HTR4: variants seen among roughly 807,000 people sequenced by gnomAD.
The protein encoded by HTR4 is 5-hydroxytryptamine (serotonin) receptor 4, G protein-coupled.
In HTR4, 16 loss-of-function variants were observed where a neutral mutation model predicts 36.8. The observed-to-expected ratio is 0.43, with a 90% CI of 0.29 to 0.66. HTR4 has a LOEUF of 0.66. HTR4 is among the 30% of genes least tolerant of loss of function. The pLI is 0.13. For synonymous variants in HTR4, 189 were observed against 185.1 expected (o/e 1.02, Z -0.17); for missense variants, 438 against 490.9 (o/e 0.89, Z 1.02).
intron 5 of HTR4, among the ~76,000 whole-genome samples, chr5:148,522,241 T>C (rs1758056797): frequency 2.6e-5 from 4 of 152,196 alleles, no homozygotes; most frequent in Non-Finnish European, 5.9e-5. Flanking sequence ...AATTACCCAA[T>C]CTGGGGTTTG....
chr5:148,575,032 T>C (rs1256742931), intron 2 of HTR4, among the ~76,000 whole-genome samples: 1 of 152,048 alleles, frequency 6.6e-6, no homozygotes, highest in Non-Finnish European at 1.5e-5. Flanking sequence ...AATGGCTGAA[T>C]GGCTGATTGA....
intron 5 of HTR4, among the ~76,000 whole-genome samples, chr5:148,451,450 C>A (rs548468722): frequency 4.6e-5 from 7 of 152,158 alleles, no homozygotes; most frequent in African/African-American, 1.7e-4. Flanking sequence ...GAACTGCACC[C>A]AGATTACTCA....
chr5:148,521,261 G>A (rs1042730884), intron 5 of HTR4, among the ~76,000 whole-genome samples: 3 of 152,168 alleles, frequency 2.0e-5, no homozygotes, highest in Admixed American at 1.3e-4. Context: ...AATTTTATGT[G>A]TTAACTTGAC....
downstream of HTR4, chr5:148,476,711 T>C (rs1158774550): frequency 1.9e-6 from 3 of 1,610,852 alleles, no homozygotes; most frequent in African/African-American, 1.3e-5. Flanking sequence ...AAATGAGCAA[T>C]AAGAATTGGC....
At chr5:148,648,870 C>T (rs959835278) in intron 1 of HTR4, among the ~76,000 whole-genome samples, 6 of 152,146 alleles carry the variant, frequency 3.9e-5, no homozygotes, top group Non-Finnish European at 7.4e-5. Context: ...ACTCCAGGAG[C>T]TGAGTTTTCT....
chr5:148,473,127 G>A (rs1271584457), downstream of HTR4, among the ~76,000 whole-genome samples: 3 of 151,914 alleles, frequency 2.0e-5, no homozygotes, highest in African/African-American at 2.4e-5. Flanking sequence ...GTGAAACCCC[G>A]TCTCTACTAA....
At chr5:148,538,313 A>G (rs1581443384) in intron 4 of HTR4, among the ~76,000 whole-genome samples, 1 of 152,206 alleles carries the variant, frequency 6.6e-6, no homozygotes, top group East Asian at 1.9e-4. Context: ...ATTCCCCTTT[A>G]CAAATGGCAC....
At chr5:148,646,829 C>T (rs1451706013) in intron 1 of HTR4, among the ~76,000 whole-genome samples, 2 of 152,144 alleles carry the variant, frequency 1.3e-5, no homozygotes. Context: ...GAAACTGAGG[C>T]ATAGGAAAGA....
At chr5:148,549,018 C>T in intron 3 of HTR4, 150 bp from the exon 4 acceptor site, 1 of 654,294 alleles carries the variant, frequency 1.5e-6, no homozygotes, top group Non-Finnish European at 2.7e-6. Flanking sequence ...AAGTCACATG[C>T]TTAGTGTATT....
At chr5:148,554,537 T>C (rs1759842686) in intron 2 of HTR4, among the ~76,000 whole-genome samples, 1 of 152,098 alleles carries the variant, frequency 6.6e-6, no homozygotes, top group Non-Finnish European at 1.5e-5. Flanking sequence ...AATAGAAAAG[T>C]AGTTATCAGG....
chr5:148,576,124 A>AAAAAAAAAAC (rs1561629230), intron 2 of HTR4, among the ~76,000 whole-genome samples: 12 of 147,414 alleles, frequency 8.1e-5, no homozygotes, highest in South Asian at 2.1e-4. Flanking sequence ...AAAAAAAAAA[A>AAAAAAAAAAC]AAAAAAAAAC....
chr5:148,619,839 G>T (rs1752848299), intron 2 of HTR4, among the ~76,000 whole-genome samples: 1 of 152,118 alleles, frequency 6.6e-6, no homozygotes, highest in African/African-American at 2.4e-5. Flanking sequence ...AGAAAAGCAT[G>T]AAACATATCA....
intron 2 of HTR4, among the ~76,000 whole-genome samples, chr5:148,605,887 A>T (rs1752139122): frequency 6.6e-6 from 1 of 152,116 alleles, no homozygotes; most frequent in South Asian, 2.1e-4. Flanking sequence ...AAGCATGCAA[A>T]ATCTTTGATG....
Position 148,654,353 on chromosome 5 carries a change from C to A in HTR4, c.-339G>T. 2.0e-6 allele frequency: 2 copies of A among 985,458 alleles called. No homozygotes were observed. Among genetic ancestry groups the A allele is most frequent in the South Asian group, 9.4e-5 (2 of 21,290 alleles). The allele number at this position is 985,458 out of a possible 1,614,324, so 61.0% of individuals were successfully genotyped here. A position where few individuals can be genotyped will look rare whatever the true frequency, so the allele number is the denominator to read the frequency against. ...CTCCACGGGCTCAACAGCCCCCAGC[C>A]CCGGTGGTCCCCGCTGCCCTGCCCG... On this transcript the variant is annotated 5_prime_UTR_variant, in exon 1 of 7. Coordinates refer to ENST00000377888, the MANE Select transcript of HTR4 (RefSeq NM_000870.7).
chr5:148,514,525 A>G (rs1757642397), intron 5 of HTR4, among the ~76,000 whole-genome samples: 1 of 152,170 alleles, frequency 6.6e-6, no homozygotes, highest in Non-Finnish European at 1.5e-5. Flanking sequence ...GACAGGTCTT[A>G]GTCATCAACC....
At chr5:148,568,485 C>A (rs1418714111) in intron 2 of HTR4, among the ~76,000 whole-genome samples, 2 of 151,992 alleles carry the variant, frequency 1.3e-5, no homozygotes, top group East Asian at 3.9e-4. Context: ...AGATAAGGTC[C>A]CTGTCCTCAT....
chr5:148,522,802 C>A (rs1189510100), intron 5 of HTR4, among the ~76,000 whole-genome samples: 1 of 152,052 alleles, frequency 6.6e-6, no homozygotes, highest in Non-Finnish European at 1.5e-5. Flanking sequence ...ACAAACCTAG[C>A]AGGGCTCTTG....
downstream of HTR4, among the ~76,000 whole-genome samples, chr5:148,475,432 G>C (rs1209761202): frequency 6.6e-6 from 1 of 152,180 alleles, no homozygotes; most frequent in Non-Finnish European, 1.5e-5. Context: ...AAGGTGAAGT[G>C]AGACTCTTGC....
At chr5:148,644,539 T>C (rs912319000) in intron 1 of HTR4, 18 of 145,828 alleles carry the variant, frequency 1.2e-4, no homozygotes, top group African/African-American at 4.3e-4. Context: ...ATTTGGCAGG[T>C]GCCAGTACAC....
Sources: allele counts gnomAD v4.1 joint callset (sites outside exome capture counted in the v4.1 genomes callset), GRCh38; gene constraint gnomAD v4.1.1; transcripts MANE v1.5; gene names NCBI Gene and HGNC (gene_info 2026-07-23, HGNC 2026-07-21).